Variants in PAX5 observed in about 807,000 individuals in gnomAD.
PAX5 encodes paired box protein Pax-5.
In PAX5, 9 loss-of-function variants were observed where a neutral mutation model predicts 43.7. That is an observed-to-expected ratio of 0.21 (90% confidence interval 0.12 to 0.36). The LOEUF (loss-of-function observed/expected upper bound fraction) is 0.36, where lower values mean the gene tolerates loss of function less well. Ranked by LOEUF, PAX5 falls within the 10% of genes least tolerant of loss-of-function variation. The probability of loss-of-function intolerance (pLI) is 1.00; values close to 1 mark genes in which losing one functional copy is unlikely to be tolerated. For missense variants in PAX5, 383 were observed against 532.7 expected (o/e 0.72, Z 2.77); for synonymous variants, 228 against 214.3 (o/e 1.06, Z -0.56).
chr9:37,012,403 C>T (rs759827234), intron 3 of PAX5, among the ~76,000 whole-genome samples: 2 of 152,188 alleles, frequency 1.3e-5, no homozygotes, highest in African/African-American at 2.4e-5. Context: ...ACAACTGCCA[C>T]AGGATAGAGT....
At chr9:36,972,173 T>G (rs751857783) in intron 5 of PAX5, among the ~76,000 whole-genome samples, 17 of 152,230 alleles carry the variant, frequency 1.1e-4, no homozygotes, top group Non-Finnish European at 1.9e-4. Context: ...CAGGTCAGCC[T>G]CCAGCCTTTC....
chr9:36,881,661 C>T (rs948962607), intron 8 of PAX5, among the ~76,000 whole-genome samples: 1 of 143,972 alleles, frequency 6.9e-6, no homozygotes, highest in African/African-American at 2.5e-5. Flanking sequence ...GGGCGGGGGC[C>T]GGGAGGGAGG....
intron 7 of PAX5, among the ~76,000 whole-genome samples, chr9:36,900,795 GC>G (rs1042474684): frequency 1.3e-5 from 2 of 151,232 alleles, no homozygotes; most frequent in Non-Finnish European, 2.9e-5. Flanking sequence ...TCCTGACCCC[GC>G]CCCCACTGCC....
intron 8 of PAX5, among the ~76,000 whole-genome samples, chr9:36,866,881 C>T (rs1824939019): frequency 1.4e-5 from 2 of 146,936 alleles, no homozygotes; most frequent in Admixed American, 1.3e-4. Flanking sequence ...ACACAACACG[C>T]TCCACACAGG....
At chr9:36,845,852 A>G (rs1278854271) in intron 9 of PAX5, among the ~76,000 whole-genome samples, 2 of 152,256 alleles carry the variant, frequency 1.3e-5, no homozygotes, top group Admixed American at 6.5e-5. Flanking sequence ...TCCCAAAATA[A>G]TTAAGGATCC....
At chr9:36,865,006 C>G (rs182484738) in intron 8 of PAX5, among the ~76,000 whole-genome samples, 1 of 152,212 alleles carries the variant, frequency 6.6e-6, no homozygotes, top group Admixed American at 6.5e-5. Flanking sequence ...TTCCCGCCCG[C>G]GAAGGAACAA....
intron 1 of PAX5, among the ~76,000 whole-genome samples, chr9:37,023,492 G>A (rs1396052807): frequency 6.6e-6 from 1 of 152,158 alleles, no homozygotes; most frequent in East Asian, 1.9e-4. Flanking sequence ...CAGACCCACA[G>A]ATACAAGAAA....
intron 6 of PAX5, among the ~76,000 whole-genome samples, chr9:36,949,841 A>G (rs752697375): frequency 6.6e-6 from 1 of 152,158 alleles, no homozygotes; most frequent in Non-Finnish European, 1.5e-5. Flanking sequence ...ATTCCACATT[A>G]TCTGCCCAAG....
At chr9:36,996,710 G>T (rs527764639) in intron 5 of PAX5, among the ~76,000 whole-genome samples, 1 of 152,342 alleles carries the variant, frequency 6.6e-6, no homozygotes, top group South Asian at 2.1e-4. Flanking sequence ...GCCCCAGCAC[G>T]GTCTGTGAGC....
intron 7 of PAX5, among the ~76,000 whole-genome samples, chr9:36,887,715 C>T (rs4507859): frequency 0.042 from 6,319 of 152,218 alleles, 166 homozygotes; most frequent in Middle Eastern, 0.099. Flanking sequence ...GCATAAATCT[C>T]CATGACCCTG....
At chr9:37,029,427 G>C (rs1248151981) in intron 1 of PAX5, among the ~76,000 whole-genome samples, 1 of 152,178 alleles carries the variant, frequency 6.6e-6, no homozygotes, top group African/African-American at 2.4e-5. Context: ...GGCCCCAGGC[G>C]GGACTCTGGG....
chr9:36,848,678 G>A (rs1822844061), intron 8 of PAX5, among the ~76,000 whole-genome samples: 1 of 152,150 alleles, frequency 6.6e-6, no homozygotes, highest in African/African-American at 2.4e-5. Context: ...GGCACTTCTT[G>A]ACAATGCCGA....
intron 6 of PAX5, among the ~76,000 whole-genome samples, chr9:36,961,801 TAC>T (rs371575588): frequency 2.0e-5 from 3 of 151,934 alleles, no homozygotes; most frequent in African/African-American, 4.8e-5. Flanking sequence ...GTTGGAAACA[TAC>T]ACACACACAC....
Position 36,904,019 on chromosome 9 carries a change from AC to A in PAX5, c.910+19335del, listed in dbSNP as rs1828611295. Among the ~76,000 whole-genome samples, 4 of 152,196 alleles carry A rather than the reference AC, an allele frequency of 2.6e-5. No individual in the cohort carries two copies. In the South Asian group the frequency reaches 8.3e-4, roughly 31 times the overall value. ...GGCTACACCACTTACAAGCTGTGTG[AC>A]CTTGAGCAAGTTTCTATGCTTCTCT... On this transcript the variant is annotated intron_variant, in intron 7 of 9. Coordinates refer to ENST00000358127, the MANE Select transcript of PAX5 (RefSeq NM_016734.3).
intron 1 of PAX5, 125 bp from the exon 2 acceptor site, chr9:37,020,926 G>A (rs1309232184): frequency 5.3e-6 from 5 of 943,280 alleles, no homozygotes; most frequent in Admixed American, 2.4e-5. Flanking sequence ...GATGTCTCGC[G>A]CCTGGAGTCC....
chr9:36,940,399 G>A (rs149464100), intron 6 of PAX5, among the ~76,000 whole-genome samples: 10 of 152,228 alleles, frequency 6.6e-5, no homozygotes, highest in African/African-American at 1.7e-4. Context: ...AAATCATGAC[G>A]TCTGCACGCC....
At chr9:36,895,714 T>C (rs921685108) in intron 7 of PAX5, among the ~76,000 whole-genome samples, 4 of 152,200 alleles carry the variant, frequency 2.6e-5, no homozygotes, top group African/African-American at 7.2e-5. Flanking sequence ...GTGAAGTAAC[T>C]TGCCCATGGT....
At chr9:36,972,418 G>A (rs1834990994) in intron 5 of PAX5, among the ~76,000 whole-genome samples, 1 of 152,220 alleles carries the variant, frequency 6.6e-6, no homozygotes, top group East Asian at 1.9e-4. Flanking sequence ...AGCTAAGGTA[G>A]CTGAGTTGGT....
At chr9:36,874,886 C>T (rs1157089928) in intron 8 of PAX5, among the ~76,000 whole-genome samples, 1 of 152,224 alleles carries the variant, frequency 6.6e-6, no homozygotes, top group Non-Finnish European at 1.5e-5. Flanking sequence ...ATAATGAACA[C>T]TTATGTGCCA....
Sources: gnomAD v4.1 joint callset for allele counts (sites outside exome capture counted in the v4.1 genomes callset) on GRCh38, gnomAD v4.1.1 for gene constraint, MANE v1.5 for transcripts, NCBI Gene and HGNC (gene_info 2026-07-23, HGNC 2026-07-21) for gene names.